The following DMD variants were observed in gnomAD, a reference collection of about 807,000 sequenced individuals.
DMD encodes the protein dystrophin, also known as mutant dystrophin.
A neutral mutation model predicts 330.1 loss-of-function variants in DMD; 63 were observed. The observed-to-expected ratio is 0.19, with a 90% CI of 0.16 to 0.24. The LOEUF (loss-of-function observed/expected upper bound fraction) is 0.24, where lower values mean the gene tolerates loss of function less well. DMD is among the 10% of genes least tolerant of loss of function. The pLI, the probability that DMD is intolerant of heterozygous loss-of-function variation, is 1.00. For synonymous variants in DMD, 1,223 were observed against 959.8 expected, an observed-to-expected ratio of 1.27 and a Z score of -5.07; for missense variants, 3,344 against 2,684.1, an observed-to-expected ratio of 1.25 and a Z score of -5.43.
chrX:32,841,244 A>G (rs1474935574), intron 4 of DMD, among the ~76,000 whole-genome samples: 3 of 111,972 alleles, frequency 2.7e-5, no homozygotes, highest in Non-Finnish European at 3.8e-5. Flanking sequence ...AAATTTAAAA[A>G]AAAAATCAAG....
At chrX:33,088,132 A>G (rs1240896742) in intron 1 of DMD, among the ~76,000 whole-genome samples, 1 of 110,920 alleles carries the variant, frequency 9.0e-6, no homozygotes, top group Non-Finnish European at 1.9e-5. Context: ...AGCTCACTGC[A>G]ACCTTTACCT....
At chrX:32,321,151 G>A (rs1308753411) in intron 41 of DMD, among the ~76,000 whole-genome samples, 2 of 111,465 alleles carry the variant, frequency 1.8e-5, no homozygotes, top group Admixed American at 9.6e-5. Flanking sequence ...ATGTATGTAC[G>A]TGTCTGTGCA....
At chrX:32,607,738 C>T (rs1359394888) in intron 12 of DMD, among the ~76,000 whole-genome samples, 1 of 110,209 alleles carries the variant, frequency 9.1e-6, no homozygotes, top group Non-Finnish European at 1.9e-5. Context: ...TCATGTGTGT[C>T]TTAGCTTTCT....
At position 32,619,717 on chromosome X, in the gene DMD, T is replaced by C. The variant is rs138353276; in HGVS notation, c.1332-5264A>G. Among the ~76,000 whole-genome samples, 156 of 111,829 alleles carry C rather than the reference T, an allele frequency of 1.4e-3. No individual in the cohort carries two copies. In the East Asian group the frequency reaches 0.026, roughly 19 times the overall value. ...GCAGGAAAGATAGAACACACTCAAA[T>C]ATGTTTCGCTCAGTAGACTACTTAC... is the stretch of plus-strand genomic sequence containing the variant. On this transcript the variant is annotated intron_variant, in intron 11 of 78. Coordinates refer to ENST00000357033, the MANE Select transcript of DMD (RefSeq NM_004006.3).
In DMD at chrX:32,357,138, A is replaced by AGCG. The variant is rs754329313; in HGVS notation, c.5325+5647_5325+5649dup. ...TCCTGACGTCAGGTGATCTGCCTGC[A>AGCG]GCGGCCTCCCAAAGTGTTGGGATTA... On this transcript the variant is annotated intron_variant, in intron 37 of 78. Transcript: ENST00000357033. Among the ~76,000 whole-genome samples the AGCG allele has an allele frequency of 3.9e-3, 438 of 111,890 alleles. 3 individuals are homozygous for AGCG. Among genetic ancestry groups the AGCG allele is most frequent in the African/African-American group, 0.013 (407 of 30,747 alleles).
intron 55 of DMD, among the ~76,000 whole-genome samples, chrX:31,539,818 T>G (rs2073683788): frequency 8.9e-6 from 1 of 112,063 alleles, no homozygotes; most frequent in Non-Finnish European, 1.9e-5. Context: ...TTAACATTGG[T>G]CATGGTGCTA....
chrX:32,965,939 T>C (rs1433313291), intron 2 of DMD, among the ~76,000 whole-genome samples: 1 of 111,736 alleles, frequency 8.9e-6, no homozygotes, highest in African/African-American at 3.3e-5. Context: ...AGAAAGCCAA[T>C]ATAATAAAAT....
At chrX:32,667,865 C>T (rs2061407591) in intron 9 of DMD, among the ~76,000 whole-genome samples, 1 of 107,269 alleles carries the variant, frequency 9.3e-6, no homozygotes, top group East Asian at 2.9e-4. Flanking sequence ...TAAGGCTGGG[C>T]ACTGTGGCTC....
chrX:32,102,840 T>G (rs1227254914), intron 44 of DMD, among the ~76,000 whole-genome samples: 1 of 111,912 alleles, frequency 8.9e-6, no homozygotes, highest in Non-Finnish European at 1.9e-5. Context: ...TAACTAAGAC[T>G]GGATCTTGTT....
intron 55 of DMD, among the ~76,000 whole-genome samples, chrX:31,583,761 A>G (rs980430512): frequency 9.2e-6 from 1 of 109,060 alleles, no homozygotes; most frequent in Non-Finnish European, 1.9e-5. Flanking sequence ...ATATATATAT[A>G]TATTTTATTA....
chrX:31,348,776 AT>A (rs1347076733), intron 60 of DMD, 142 bp from the exon 61 acceptor site: 1 of 551,589 alleles, frequency 1.8e-6, no homozygotes, highest in African/African-American at 2.3e-5. Context: ...TAGTTTTAAT[AT>A]TCACTTACCG....
At chrX:32,413,657 C>T (rs1257448362) in intron 29 of DMD, among the ~76,000 whole-genome samples, 2 of 109,414 alleles carry the variant, frequency 1.8e-5, no homozygotes, top group Non-Finnish European at 3.8e-5. Context: ...TTGGGGCTTC[C>T]TGTCTAAAAT....
intron 9 of DMD, among the ~76,000 whole-genome samples, chrX:32,667,102 A>C (rs766558831): frequency 9.0e-6 from 1 of 111,612 alleles, no homozygotes; most frequent in Admixed American, 9.6e-5. Context: ...AAAAGAATGA[A>C]ATCTTGCCAT....
intron 4 of DMD, among the ~76,000 whole-genome samples, chrX:32,832,609 C>G (rs1437281211): frequency 9.0e-6 from 1 of 111,515 alleles, no homozygotes; most frequent in Non-Finnish European, 1.9e-5. Flanking sequence ...AGTATTCATA[C>G]AATCCTTCTA....
chrX:31,729,658 C>T lies in DMD; in HGVS notation c.7633G>A (p.Glu2545Lys), dbSNP rs1434225618. The T allele has an allele frequency of 2.5e-6, 3 of 1,211,339 alleles. No homozygotes were observed. Among genetic ancestry groups the T allele is most frequent in the African/African-American group, 1.7e-5 (1 of 57,818 alleles). The change falls in exon 52 of 79, where the codon GAG (glutamate) becomes AAG (lysine). Residue 2545 changes from glutamate to lysine, a missense_variant. Physicochemically the swap from Glu to Lys is moderately conservative, Grantham distance 56 (BLOSUM62 1). Coordinates refer to ENST00000357033, the MANE Select transcript of DMD (RefSeq NM_004006.3). ...QNLKNKTSNQ[E>K]ARTIITDRIE... ...CGATCCGTAATGATTGTTCTAGCCTCTTGATTGCTGGTCTTGTTTTTCAAA... is the reference window on the plus strand; with the variant it reads ...CGATCCGTAATGATTGTTCTAGCCTTTTGATTGCTGGTCTTGTTTTTCAAA...
chrX:33,110,218 A>T (rs1422724124), intron 1 of DMD, among the ~76,000 whole-genome samples: 2 of 110,297 alleles, frequency 1.8e-5, no homozygotes, highest in Non-Finnish European at 1.9e-5. Flanking sequence ...AGCCTCTGTT[A>T]TTTTTCTGTA....
chrX:31,721,702 CTCTCTCTCTCTCTCTCTATATATA>C (rs1242571717), intron 52 of DMD, among the ~76,000 whole-genome samples: 1 of 57,809 alleles, frequency 1.7e-5, no homozygotes, highest in Non-Finnish European at 3.1e-5. Context: ...CTCTCTCTCT[CTCTCTCTCTCTCTCTCTATATATA>C]TATATATATA....
chrX:32,777,994 A>G (rs1435391028), intron 7 of DMD, among the ~76,000 whole-genome samples: 1 of 112,078 alleles, frequency 8.9e-6, no homozygotes, highest in Non-Finnish European at 1.9e-5. Flanking sequence ...CAAGAATTCT[A>G]AAAAACTGAT....
intron 77 of DMD, among the ~76,000 whole-genome samples, chrX:31,133,325 G>C (rs1033162739): frequency 4.5e-5 from 5 of 111,446 alleles, no homozygotes; most frequent in African/African-American, 6.5e-5. Flanking sequence ...AGGAAGGCGA[G>C]AGAGTGACTT....
Sources: allele counts gnomAD v4.1 joint callset (sites outside exome capture counted in the v4.1 genomes callset), GRCh38; gene constraint gnomAD v4.1.1; transcripts MANE v1.5; gene names NCBI Gene and HGNC (gene_info 2026-07-23, HGNC 2026-07-21).